Variants in GOLGA8M observed in about 807,000 individuals in gnomAD.
GOLGA8M encodes the protein golgin subfamily A member 8M.
In GOLGA8M, 34 loss-of-function variants were observed where a neutral mutation model predicts 87.7. The observed-to-expected ratio is 0.39, with a 90% CI of 0.29 to 0.52. GOLGA8M has a LOEUF of 0.52. GOLGA8M is among the 20% of genes least tolerant of loss of function. The pLI, the probability that GOLGA8M is intolerant of heterozygous loss-of-function variation, is 0.80. For synonymous variants in GOLGA8M, 138 were observed against 250.2 expected (o/e 0.55, Z 4.23); for missense variants, 396 against 682.2 (o/e 0.58, Z 4.67).
chr15:28,702,593 C>T (rs1399038177), intron 16 of GOLGA8M, 31 bp from the exon 17 acceptor site: 1 of 1,609,664 alleles, frequency 6.2e-7, no homozygotes, highest in Non-Finnish European at 8.5e-7. Flanking sequence ...GACGCTGGGG[C>T]CCCTCCGACG....
intron 15 of GOLGA8M, among the ~76,000 whole-genome samples, 153 bp downstream of exon 15, chr15:28,703,166 G>A (rs1437952744): frequency 1.5e-5 from 2 of 132,118 alleles, no homozygotes; most frequent in Non-Finnish European, 3.0e-5. Flanking sequence ...GACTGCACAT[G>A]TTGGCCACAG....
At chr15:28,713,194 G>A (rs754617208), upstream of GOLGA8M, among the ~76,000 whole-genome samples, 7,848 of 149,272 alleles carry the variant, frequency 0.053, 328 homozygotes, top group African/African-American at 0.11. Context: ...AAAAAAGGCC[G>A]GATGTGGTGG....
chr15:28,706,776 G>A, intron 8 of GOLGA8M, 77 bp from the exon 9 acceptor site: 2 of 1,422,556 alleles, frequency 1.4e-6, no homozygotes, highest in East Asian at 3.0e-5. Flanking sequence ...CAGGGCTCGG[G>A]CTAGGCCCAA....
At chr15:28,704,729 C>G (rs958760951) in intron 13 of GOLGA8M, among the ~76,000 whole-genome samples, 2 of 143,074 alleles carry the variant, frequency 1.4e-5, no homozygotes, top group Non-Finnish European at 3.0e-5. Context: ...AGGCATGCAC[C>G]ACAATGTCCT....
rs373830944 is a variant in GOLGA8M, at chr15:28,698,773, C to G, written c.*3181G>C. On this transcript the variant is annotated 3_prime_UTR_variant, in exon 19 of 19. Coordinates refer to ENST00000563027, the MANE Select transcript of GOLGA8M (RefSeq NM_001282468.3). ...AATTTTAAGGCAAAAACAACACATTCAAACAACTTAATAATTTATTACATT... is the reference window on the plus strand; with the variant it reads ...AATTTTAAGGCAAAAACAACACATTGAAACAACTTAATAATTTATTACATT... 3.7e-3 allele frequency among the ~76,000 whole-genome samples: 511 copies of G among 138,792 alleles called. 2 individuals carry two copies. The highest frequency in any genetic ancestry group is 8.2e-3 in the African/African-American group (279 of 34,044). The allele number at this position is 138,792 out of a possible 152,430, so 91.1% of individuals were successfully genotyped here. A position where few individuals can be genotyped will look rare whatever the true frequency, so the allele number is the denominator to read the frequency against.
In GOLGA8M at chr15:28,702,342, C is replaced by G. The variant is rs779518911; in HGVS notation, c.1595G>C (p.Gly532Ala). 2.0e-6 allele frequency: 3 copies of G among 1,528,504 alleles called. No individual in the cohort carries two copies. Among genetic ancestry groups the G allele is most frequent in the Non-Finnish European group, 2.6e-6 (3 of 1,146,412 alleles). The allele number at this position is 1,528,504 out of a possible 1,614,324, so 94.7% of individuals were successfully genotyped here. ...GTTGTAGTTGCTGTAAGCCGCAATA[C>G]CATCTGCTGCAGCTCCAGCAGCTTC... ...EGEAAGAAAD[G>A]IAAYSNYNNG... Residue 532 changes from glycine (G) to alanine (A), a missense_variant, in exon 18 of 19, where the codon GGT (glycine) becomes GCT (alanine). Physicochemically the swap from Gly to Ala is moderately conservative, Grantham distance 60. Transcript: ENST00000563027.
chr15:28,702,595 C>CTCAG, intron 16 of GOLGA8M, 33 bp from the exon 17 acceptor site: 1 of 1,609,846 alleles, frequency 6.2e-7, no homozygotes, highest in African/African-American at 1.3e-5. Flanking sequence ...CGCTGGGGCC[C>CTCAG]CTCCGACGGT....
Position 28,701,549 on chromosome 15 carries a change from A to C in GOLGA8M, c.*405T>G, listed in dbSNP as rs868642833. ...ATCAAACAACAGCAGAACATAGGCA[A>C]ATTTTGTCTGAATTCTGTAGTGAAT... On this transcript the variant is annotated 3_prime_UTR_variant, in exon 19 of 19. Transcript: ENST00000563027. Among the ~76,000 whole-genome samples, 3,427 of 151,032 alleles carry C rather than the reference A, an allele frequency of 0.023. 143 individuals carry two copies. The highest frequency in any genetic ancestry group is 0.08 in the African/African-American group (3,263 of 40,880).
Position 28,705,173 on chromosome 15 carries a change from C to G in GOLGA8M, c.1186G>C (p.Glu396Gln). ...QLEQQVKELQ[E>Q]KLGEEHLEAA... is the part of the protein sequence containing the mutation. ...GACTCCTTCACCTCGCCAAGCTTCTCCTGTAGCTCCTTTACTTGCTGCTCC... is the reference window on the plus strand; with the variant it reads ...GACTCCTTCACCTCGCCAAGCTTCTGCTGTAGCTCCTTTACTTGCTGCTCC... The change falls in exon 13 of 19, where the codon GAG (glutamate) becomes CAG (glutamine). Residue 396 changes from glutamate to glutamine, a missense_variant. Physicochemically the swap from Glu to Gln is conservative, Grantham distance 29. This residue lies in a region of GOLGA8M where 44 missense variants were observed against 46.7 expected (regional missense o/e 0.94). Transcript: ENST00000563027. 2 of 1,598,438 alleles carry G rather than the reference C, an allele frequency of 1.3e-6. No homozygotes were observed. The highest frequency in any genetic ancestry group is 1.7e-6 in the Non-Finnish European group (2 of 1,179,784).
chr15:28,701,973 A>G lies in GOLGA8M; in HGVS notation c.1880T>C (p.Leu627Pro), dbSNP rs756149196. 6.3e-7 allele frequency: 1 copy of G among 1,599,658 alleles called. No homozygotes were observed. Among genetic ancestry groups the G allele is most frequent in the Non-Finnish European group, 8.5e-7 (1 of 1,179,750 alleles). Residue 627 changes from leucine (L) to proline (P), a missense_variant, in exon 19 of 19, where the codon CTG becomes CCG. This residue lies in a region of GOLGA8M where 35 missense variants were observed against 61.4 expected (regional missense o/e 0.57). Transcript: ENST00000563027. The stretch of plus-strand genomic sequence containing the variant: ...TGATGTTTATCTCCTTCTTCTTGGC[A>G]GCCAAGCCCAGCAAAAGAATGGCAC... ...CCVPFFCWAW[L>P]PRRRR is the part of the protein sequence containing the mutation.
In GOLGA8M at chr15:28,703,095, G is replaced by A. The variant is rs534858786; in HGVS notation, c.1368+224C>T. On this transcript the variant is annotated intron_variant, in intron 15 of 18. Transcript: ENST00000563027. The stretch of plus-strand genomic sequence containing the variant: ...GCAAGATGTGAGCATTCTTCTAGGG[G>A]CATACACAGAACAAATGGGGCAGAG... The A allele has an allele frequency of 1.3e-4, 87 of 689,948 alleles. 4 individuals are homozygous for A. Among genetic ancestry groups the A allele is most frequent in the Middle Eastern group, 7.8e-4 (1 of 1,276 alleles). 42.7% of individuals were successfully genotyped at this position (689,948 alleles called of 1,614,324 possible). A position where few individuals can be genotyped will look rare whatever the true frequency, so the allele number is the denominator to read the frequency against.
At chr15:28,712,019 G>T in intron 1 of GOLGA8M, 5 of 984,918 alleles carry the variant, frequency 5.1e-6, no homozygotes, top group Non-Finnish European at 4.8e-6. Flanking sequence ...CAGGAGATGA[G>T]GGCCCAGTAA....
rs2079912780 is a variant in GOLGA8M, at chr15:28,703,881, G to C, written c.1237C>G (p.Leu413Val). The C allele has an allele frequency of 1.9e-6, 3 of 1,581,430 alleles. No homozygotes were observed. Among genetic ancestry groups the C allele is most frequent in the Non-Finnish European group, 2.6e-6 (3 of 1,175,866 alleles). ...LEAASQQNQQ[L>V]TAQLSLMALP... is the part of the protein sequence containing the mutation. ...GCCATGAGGCTCAGCTGGGCCGTTA[G>C]CTGCTGGTTCTGCTGGCTGGCAGCT... Residue 413 changes from leucine to valine, a missense_variant, in exon 14 of 19, where the codon CTA becomes GTA. By Grantham distance (32) the Leu-to-Val change is conservative. Coordinates refer to ENST00000563027, the MANE Select transcript of GOLGA8M (RefSeq NM_001282468.3).
intron 1 of GOLGA8M, 100 bp downstream of exon 1, chr15:28,712,176 G>A: frequency 1.3e-6 from 2 of 1,537,374 alleles, no homozygotes; most frequent in Non-Finnish European, 1.7e-6. Context: ...GGGGGGACCA[G>A]TCCAGTGTGC....
intron 1 of GOLGA8M, chr15:28,711,986 C>T: frequency 1.0e-6 from 1 of 984,886 alleles, no homozygotes; most frequent in Non-Finnish European, 1.2e-6. Flanking sequence ...CCAAAGAGCC[C>T]AGGGAGATCA....
At chr15:28,710,179 C>A (rs1428577147) in intron 2 of GOLGA8M, among the ~76,000 whole-genome samples, 11 of 146,512 alleles carry the variant, frequency 7.5e-5, no homozygotes, top group Non-Finnish European at 1.6e-4. Flanking sequence ...CAGGTTCACA[C>A]CATTCTCTTG....
chr15:28,712,017 G>T (rs953090684), intron 1 of GOLGA8M: 1 of 984,988 alleles, frequency 1.0e-6, no homozygotes, highest in Admixed American at 6.1e-5. Flanking sequence ...GGCAGGAGAT[G>T]AGGGCCCAGT....
rs780750567 is a variant in GOLGA8M, at chr15:28,707,960, G to T, written c.474C>A (p.Tyr158Ter). ...DLYHMKRSLR[Y>*]FEEKSKDLAV... ...GGGTGCCCAGATTCCCACCTTCAAA[G>T]TATCTGAGAGAACGTTTCATGTGGT... The change falls in exon 7 of 19, where the codon TAC becomes TAA. Residue 158 changes from tyrosine (Y) to a stop codon, truncating the protein, a stop_gained. Transcript: ENST00000563027. LOFTEE classifies it high-confidence loss of function. 8 of 1,595,408 alleles carry T rather than the reference G, an allele frequency of 5.0e-6. No homozygotes were observed. The South Asian group carries it at 8.8e-5, about 18-fold the overall frequency.
At chr15:28,711,919 C>T in intron 1 of GOLGA8M, 1 of 985,096 alleles carries the variant, frequency 1.0e-6, no homozygotes, top group Non-Finnish European at 1.2e-6. Context: ...GTCACCAGCC[C>T]AAAGTCACCC....
Sources: gnomAD v4.1 joint callset for allele counts (sites outside exome capture counted in the v4.1 genomes callset) on GRCh38, gnomAD v4.1.1 for gene constraint, gnomAD v4.1.1 regional missense constraint, MANE v1.5 for transcripts, NCBI Gene and HGNC (gene_info 2026-07-23, HGNC 2026-07-21) for gene names.